The following PCDH9 variants were observed in gnomAD, a reference collection of about 807,000 sequenced individuals.
PCDH9 encodes the protein protocadherin-9.
A neutral mutation model predicts 70.6 loss-of-function variants in PCDH9; 24 were observed. The ratio of observed to expected loss-of-function variants is 0.34; its 90% confidence interval spans 0.25 to 0.48. The LOEUF is 0.48. Among genes scored for constraint, PCDH9 ranks in the 20% least tolerant of loss-of-function variants. PCDH9 has a pLI of 0.99. For missense variants in PCDH9, 1,281 were observed against 1,503.6 expected (o/e 0.85, Z 2.45); for synonymous variants, 562 against 558.5 (o/e 1.01, Z -0.09).
chr13:66,529,536 C>T (rs1960355285), intron 4 of PCDH9, among the ~76,000 whole-genome samples: 1 of 151,976 alleles, frequency 6.6e-6, no homozygotes, highest in African/African-American at 2.4e-5. Context: ...AATAACTAAA[C>T]TGTTTGTTTA....
intron 2 of PCDH9, among the ~76,000 whole-genome samples, chr13:67,007,654 T>C (rs1367113323): frequency 2.6e-5 from 4 of 152,154 alleles, no homozygotes; most frequent in Non-Finnish European, 5.9e-5. Flanking sequence ...GTGTATATAT[T>C]GGAATTTGAA....
rs575760894 is a variant in PCDH9 at position 66,874,940 on chromosome 13, T to A, written c.3138+28564A>T. Among the ~76,000 whole-genome samples the A allele has an allele frequency of 5.3e-3, 748 of 140,592 alleles. 8 individuals carry two copies. The highest frequency in any genetic ancestry group is 0.018 in the African/African-American group (709 of 38,660). 92.2% of individuals were successfully genotyped at this position (140,592 alleles called of 152,430 possible). On this transcript the variant is annotated intron_variant, in intron 3 of 4. Coordinates refer to ENST00000377865, the MANE Select transcript of PCDH9 (RefSeq NM_203487.3). ...GTGTGTGTGTGTGTGTGTGTGTGTG[T>A]GTGAGAGAGAGAGAGAGAGAGAGAC...
chr13:66,505,304 C>T (rs1959199952), intron 4 of PCDH9, among the ~76,000 whole-genome samples: 1 of 152,104 alleles, frequency 6.6e-6, no homozygotes, highest in African/African-American at 2.4e-5. Context: ...CTGGGGAGGC[C>T]TCACAATCAT....
At chr13:66,764,282 C>T (rs1192304505) in intron 3 of PCDH9, among the ~76,000 whole-genome samples, 2 of 150,594 alleles carry the variant, frequency 1.3e-5, no homozygotes, top group Non-Finnish European at 3.0e-5. Context: ...CTTTAATTCT[C>T]ATTCTGTCTT....
chr13:66,674,667 T>C (rs566703992), intron 3 of PCDH9, among the ~76,000 whole-genome samples: 2 of 152,256 alleles, frequency 1.3e-5, no homozygotes, highest in African/African-American at 4.8e-5. Context: ...ATAAATATTT[T>C]TCTTATCTAC....
chr13:66,819,125 C>G (rs941359722), intron 3 of PCDH9, among the ~76,000 whole-genome samples: 1 of 151,980 alleles, frequency 6.6e-6, no homozygotes, highest in African/African-American at 2.4e-5. Flanking sequence ...ATCAGGTCCT[C>G]CAACTGAGCA....
chr13:66,411,698 A>G (rs1957373386), intron 4 of PCDH9, among the ~76,000 whole-genome samples: 1 of 151,884 alleles, frequency 6.6e-6, no homozygotes, highest in Non-Finnish European at 1.5e-5. Flanking sequence ...TAGATACCCT[A>G]AAATAAATAC....
intron 2 of PCDH9, chr13:67,214,085 C>T (rs564124017): frequency 3.3e-5 from 5 of 152,176 alleles, no homozygotes; most frequent in South Asian, 2.1e-4. Context: ...GGGGTACTAC[C>T]GTAGTGTGTA....
At chr13:66,904,602 A>G (rs980945635) in intron 2 of PCDH9, among the ~76,000 whole-genome samples, 1 of 151,976 alleles carries the variant, frequency 6.6e-6, no homozygotes, top group African/African-American at 2.4e-5. Context: ...AAGCAAAGAG[A>G]CTATTCTTTT....
At chr13:66,780,646 A>G (rs1340626200) in intron 3 of PCDH9, among the ~76,000 whole-genome samples, 4 of 152,054 alleles carry the variant, frequency 2.6e-5, no homozygotes, top group African/African-American at 9.7e-5. Flanking sequence ...CAATATTCTT[A>G]CCTTACAATT....
At chr13:66,694,208 T>C (rs1003996007) in intron 3 of PCDH9, among the ~76,000 whole-genome samples, 1 of 152,206 alleles carries the variant, frequency 6.6e-6, no homozygotes, top group Non-Finnish European at 1.5e-5. Context: ...TAAAATCTTG[T>C]ATGTAATGTG....
Position 66,630,749 on chromosome 13 carries a change from G to A in PCDH9, c.3340+461C>T, listed in dbSNP as rs1320181323. The A allele has an allele frequency of 6.6e-5, 10 of 152,010 alleles. No individual in the cohort carries two copies. In the East Asian group the frequency reaches 1.9e-3, roughly 29 times the overall value. 9.4% of individuals were successfully genotyped at this position (152,010 alleles called of 1,614,324 possible). ...CTGGTAAAAACCAGAAAATCTGATA[G>A]ACAAATTCTAAAATACCTTTAACTC... is the stretch of plus-strand genomic sequence containing the variant. On this transcript the variant is annotated intron_variant, in intron 4 of 4. Coordinates refer to ENST00000377865, the MANE Select transcript of PCDH9 (RefSeq NM_203487.3).
chr13:66,646,719 G>A (rs1328622196), intron 3 of PCDH9, among the ~76,000 whole-genome samples: 1 of 152,108 alleles, frequency 6.6e-6, no homozygotes, highest in African/African-American at 2.4e-5. Context: ...CACAAAAAAA[G>A]CACCTTCATA....
intron 2 of PCDH9, among the ~76,000 whole-genome samples, chr13:66,992,423 T>C (rs2084022183): frequency 1.3e-5 from 2 of 152,140 alleles, no homozygotes; most frequent in Admixed American, 6.6e-5. Context: ...GAAATCCTGT[T>C]TGCTTTCCTT....
intron 3 of PCDH9, among the ~76,000 whole-genome samples, chr13:66,731,777 A>G (rs562046355): frequency 6.6e-6 from 1 of 152,254 alleles, no homozygotes; most frequent in South Asian, 2.1e-4. Flanking sequence ...ATATTAAATT[A>G]TACATTCTAT....
rs372669236 is a variant in PCDH9 at position 66,676,180 on chromosome 13, CA to C, written c.3139-44770del. ...GAAGATTCACAAATTCAATAACTTT[CA>C]TTTCATGCTGGTTAGTGTGGCAGCT... On this transcript the variant is annotated intron_variant, in intron 3 of 4. Transcript: ENST00000377865. 3.5e-4 allele frequency among the ~76,000 whole-genome samples: 54 copies of C among 152,214 alleles called. No homozygotes were observed. In the East Asian group the frequency reaches 9.9e-3, roughly 28 times the overall value.
At chr13:66,450,788 G>A (rs1958190753) in intron 4 of PCDH9, among the ~76,000 whole-genome samples, 1 of 152,170 alleles carries the variant, frequency 6.6e-6, no homozygotes, top group South Asian at 2.1e-4. Context: ...GGCCGAGGCG[G>A]GCAGATCACG....
intron 4 of PCDH9, among the ~76,000 whole-genome samples, chr13:66,504,436 T>C (rs1358099497): frequency 6.6e-6 from 1 of 152,126 alleles, no homozygotes; most frequent in Non-Finnish European, 1.5e-5. Context: ...GTCATCATAG[T>C]CCCCAAAGTT....
chr13:66,437,050 G>A (rs376521616), intron 4 of PCDH9, among the ~76,000 whole-genome samples: 1 of 150,882 alleles, frequency 6.6e-6, no homozygotes, highest in Non-Finnish European at 1.5e-5. Flanking sequence ...ACCTCGTGAC[G>A]AGAAAGCAGG....
Sources: gnomAD v4.1 joint callset for allele counts (sites outside exome capture counted in the v4.1 genomes callset) on GRCh38, gnomAD v4.1.1 for gene constraint, MANE v1.5 for transcripts, NCBI Gene and HGNC (gene_info 2026-07-23, HGNC 2026-07-21) for gene names.